Variants in SS18L1 observed in about 807,000 individuals in gnomAD.
The protein encoded by SS18L1 is SS18L1 subunit of BAF chromatin remodeling complex.
Under a neutral mutation model 70.3 loss-of-function variants are expected in SS18L1, and 32 were observed. The ratio of observed to expected loss-of-function variants is 0.46; its 90% CI spans 0.34 to 0.61. The LOEUF is 0.61. Ranked by LOEUF, SS18L1 falls within the 20% of genes least tolerant of loss-of-function variation. The probability of loss-of-function intolerance (pLI) is 0.01; values close to 1 mark genes in which losing one functional copy is unlikely to be tolerated. For missense variants in SS18L1, 430 were observed against 542.1 expected (o/e 0.79, Z 2.05); for synonymous variants, 237 against 229.7 (o/e 1.03, Z -0.29).
chr20:62,162,340 G>T (rs2057344895), intron 4 of SS18L1, among the ~76,000 whole-genome samples: 1 of 151,718 alleles, frequency 6.6e-6, no homozygotes, highest in African/African-American at 2.4e-5. Context: ...CGCTCTAGTC[G>T]GCCAGGCTGG....
rs779265619 is a variant in SS18L1 at position 62,158,904 on chromosome 20, C to T, written c.146+156C>T. On this transcript the variant is annotated intron_variant, in intron 2 of 10. Transcript: ENST00000331758. This position sits in a 1 kb window ranked among gnomAD's most constrained non-coding sequence, Gnocchi z 4.5. The stretch of plus-strand genomic sequence containing the variant: ...AGATATGTCCCAGGAGTCCCCTGCA[C>T]AGAGGCCAGATATGTCCCAGGAGTC... The T allele has an allele frequency of 2.8e-5, 45 of 1,600,638 alleles. No individual in the cohort carries two copies. Among genetic ancestry groups the T allele is most frequent in the Non-Finnish European group, 3.7e-5 (44 of 1,175,592 alleles).
At chr20:62,148,748 C>G (rs559193240) in intron 1 of SS18L1, among the ~76,000 whole-genome samples, 10 of 152,262 alleles carry the variant, frequency 6.6e-5, no homozygotes, top group South Asian at 4.1e-4. Context: ...CTCTGTCCCC[C>G]CTCTGCCTGT....
chr20:62,177,219 A>G (rs1322917781), intron 10 of SS18L1, among the ~76,000 whole-genome samples: 1 of 152,056 alleles, frequency 6.6e-6, no homozygotes, highest in Non-Finnish European at 1.5e-5. Context: ...CGGAGGTTGC[A>G]GTGAGCTGAG....
chr20:62,165,278 A>G (rs1439999612), intron 7 of SS18L1, 144 bp from the exon 8 acceptor site: 5 of 710,470 alleles, frequency 7.0e-6, no homozygotes, highest in East Asian at 5.5e-5. Flanking sequence ...AGGTTGGGGC[A>G]TGGTTTTGGG....
In SS18L1 at chr20:62,172,818, G is replaced by T. The variant is rs758335530; in HGVS notation, c.1036+17G>T. On this transcript the variant is annotated intron_variant, in intron 9 of 10. Coordinates refer to ENST00000331758, the MANE Select transcript of SS18L1 (RefSeq NM_198935.3). The stretch of plus-strand genomic sequence containing the variant: ...AGGGCTACGGTAAGAGGCGAGCACG[G>T]TCCTCGGGGCCCCCCAGCGCCCACC... The T allele has an allele frequency of 6.2e-7, 1 of 1,600,578 alleles. No homozygotes were observed. Among genetic ancestry groups the T allele is most frequent in the Non-Finnish European group, 8.5e-7 (1 of 1,174,390 alleles).
At chr20:62,164,012 G>C (rs11699528) in intron 6 of SS18L1, 133 bp from the exon 7 acceptor site, 7 of 719,094 alleles carry the variant, frequency 9.7e-6, no homozygotes, top group Non-Finnish European at 1.6e-5. Context: ...AGTTGGATAC[G>C]ATGACAGCGT....
Position 62,159,541 on chromosome 20 carries a change from C to T in SS18L1, c.147-336C>T, listed in dbSNP as rs375147304. Among the ~76,000 whole-genome samples the T allele has an allele frequency of 3.3e-5, 5 of 152,194 alleles. No individual in the cohort carries two copies. Among genetic ancestry groups the T allele is most frequent in the Non-Finnish European group, 5.9e-5 (4 of 68,034 alleles). On this transcript the variant is annotated intron_variant, in intron 2 of 10. Transcript: ENST00000331758. The surrounding 1 kb of genome is among the most constrained non-coding windows in gnomAD (Gnocchi z 4.4). ...GAGGGCTCTGTCCCTCTGTCACCTT[C>T]GGGCCCCTGCCTCCTCGTGGCCTCC...
intron 8 of SS18L1, among the ~76,000 whole-genome samples, chr20:62,171,069 A>G (rs962993759): frequency 1.4e-5 from 2 of 146,218 alleles, no homozygotes; most frequent in African/African-American, 5.2e-5. Flanking sequence ...GCCGGGCTAA[A>G]TTTTTTGTAT....
At position 62,158,805 on chromosome 20, in the gene SS18L1, A is replaced by G. The variant is rs2145726780; in HGVS notation, c.146+57A>G. 2 of 1,612,612 alleles carry G rather than the reference A, an allele frequency of 1.2e-6. No individual in the cohort carries two copies. The highest frequency in any genetic ancestry group is 1.7e-6 in the Non-Finnish European group (2 of 1,179,784). The stretch of plus-strand genomic sequence containing the variant: ...AGGGTGTCATGCAGAGTCTAAGCAC[A>G]GAGGCCAGATACGTCCCAAGAGTCC... On this transcript the variant is annotated intron_variant, in intron 2 of 10. Transcript: ENST00000331758. The surrounding 1 kb of genome is among the most constrained non-coding windows in gnomAD (Gnocchi z 4.5).
At chr20:62,177,269 A>G (rs1568769552) in intron 10 of SS18L1, among the ~76,000 whole-genome samples, 1 of 150,624 alleles carries the variant, frequency 6.6e-6, no homozygotes, top group African/African-American at 2.5e-5. Context: ...CAAGAGCGAA[A>G]CTCTGTCTCA....
At chr20:62,162,954 C>T in intron 5 of SS18L1, 23 bp downstream of exon 5, 1 of 1,609,382 alleles carries the variant, frequency 6.2e-7, no homozygotes, top group Middle Eastern at 1.7e-4. Flanking sequence ...CCTCTGCAAC[C>T]CCGGGGGGCC....
chr20:62,145,760 G>A (rs942846007), intron 1 of SS18L1, among the ~76,000 whole-genome samples: 1 of 152,216 alleles, frequency 6.6e-6, no homozygotes, highest in South Asian at 2.1e-4. Flanking sequence ...AGCAGTCTGC[G>A]TATTGGGCTT....
Position 62,167,038 on chromosome 20 carries a change from G to GTTTTTTTT in SS18L1, c.916+1527_916+1528insTTTTTTTT, listed in dbSNP as rs201677571. 4.9e-3 allele frequency among the ~76,000 whole-genome samples: 543 copies of GTTTTTTTT among 110,834 alleles called. 35 individuals carry two copies. Among genetic ancestry groups the GTTTTTTTT allele is most frequent in the African/African-American group, 0.013 (288 of 21,496 alleles). 72.7% of individuals were successfully genotyped at this position (110,834 alleles called of 152,430 possible). ...GAGGATTGCTTGAGCTCAGGAGTTT[G>GTTTTTTTT]TTTGTTTTTTTTTTTTTTTTTTTTT... On this transcript the variant is annotated intron_variant, in intron 8 of 10. Coordinates refer to ENST00000331758, the MANE Select transcript of SS18L1 (RefSeq NM_198935.3).
chr20:62,146,421 CT>C lies in SS18L1; in HGVS notation c.69+2534del, dbSNP rs142161152. ...AGATGCGTTCGTGTCCTGTGACTTC[CT>C]TGACACATTCCCACAACCCAGGTGG... On this transcript the variant is annotated intron_variant, in intron 1 of 10. Transcript: ENST00000331758. Among the ~76,000 whole-genome samples, 589 of 152,212 alleles carry C rather than the reference CT, an allele frequency of 3.9e-3. 2 individuals carry two copies. The highest frequency in any genetic ancestry group is 0.012 in the African/African-American group (510 of 41,508).
At chr20:62,169,365 C>T (rs2057489514) in intron 8 of SS18L1, among the ~76,000 whole-genome samples, 1 of 152,230 alleles carries the variant, frequency 6.6e-6, no homozygotes, top group Non-Finnish European at 1.5e-5. Context: ...GGGGTTAGGG[C>T]TCAGGCAGTC....
chr20:62,175,933 T>C (rs1018773560), intron 10 of SS18L1, among the ~76,000 whole-genome samples: 1 of 152,232 alleles, frequency 6.6e-6, no homozygotes, highest in African/African-American at 2.4e-5. Context: ...GTGAGGCCAC[T>C]GTAGCCGACG....
intron 1 of SS18L1, among the ~76,000 whole-genome samples, chr20:62,151,616 C>A (rs898628111): frequency 1.3e-5 from 2 of 152,230 alleles, no homozygotes; most frequent in African/African-American, 2.4e-5. Flanking sequence ...CCGAACCAGC[C>A]CAGAATCATG....
At chr20:62,150,606 T>A (rs976949986) in intron 1 of SS18L1, among the ~76,000 whole-genome samples, 5 of 143,242 alleles carry the variant, frequency 3.5e-5, no homozygotes, top group African/African-American at 1.2e-4. Flanking sequence ...TGTGGAATTC[T>A]CCGGAGCATA....
chr20:62,167,015 G>A (rs7263882), intron 8 of SS18L1, among the ~76,000 whole-genome samples: 34,078 of 142,448 alleles, frequency 0.24, 8,460 homozygotes, highest in African/African-American at 0.65. Context: ...CAGTGGAGGA[G>A]GATTGCTTGA....
Sources: allele counts gnomAD v4.1 joint callset (sites outside exome capture counted in the v4.1 genomes callset), GRCh38; gene constraint gnomAD v4.1.1; non-coding constraint Gnocchi (gnomAD v3.1); transcripts MANE v1.5; gene names NCBI Gene and HGNC (gene_info 2026-07-23, HGNC 2026-07-21).